Variants in C12orf50 observed in about 807,000 individuals in gnomAD.
C12orf50 encodes zinc finger CCCH-type containing 11D.
A neutral mutation model predicts 61.6 loss-of-function variants in C12orf50; 35 were observed. The observed-to-expected ratio is 0.57, with a 90% CI of 0.43 to 0.75. C12orf50 has a LOEUF of 0.75. Among genes scored for constraint, C12orf50 ranks in the 30% least tolerant of loss-of-function variants. The pLI, the probability that C12orf50 is intolerant of heterozygous loss-of-function variation, is 0.00. For synonymous variants in C12orf50, 178 were observed against 161.5 expected (o/e 1.10, Z -0.77); for missense variants, 475 against 488.5 (o/e 0.97, Z 0.26).
intron 3 of C12orf50, among the ~76,000 whole-genome samples, chr12:88,010,526 G>C (rs1177067001): frequency 6.7e-6 from 1 of 148,420 alleles, no homozygotes; most frequent in East Asian, 2.0e-4. Context: ...GAATCATTAC[G>C]GCAAGATGTC....
intron 3 of C12orf50, among the ~76,000 whole-genome samples, chr12:88,007,111 G>C (rs994163667): frequency 4.6e-5 from 7 of 152,074 alleles, no homozygotes; most frequent in Non-Finnish European, 8.8e-5. Context: ...AAGTAATCTA[G>C]TCATCACAAT....
chr12:87,994,840 A>G (rs1284205394), intron 6 of C12orf50, 97 bp from the exon 7 acceptor site: 1 of 695,276 alleles, frequency 1.4e-6, no homozygotes, highest in African/African-American at 1.8e-5. Context: ...AAAAGCTTTA[A>G]AGTTAATGCA....
At chr12:88,025,012 TA>T (rs2032650231) in intron 3 of C12orf50, among the ~76,000 whole-genome samples, 1 of 152,020 alleles carries the variant, frequency 6.6e-6, no homozygotes, top group Non-Finnish European at 1.5e-5. Flanking sequence ...GTGACAGCAA[TA>T]ATAAATAACC....
intron 12 of C12orf50, among the ~76,000 whole-genome samples, 160 bp downstream of exon 12, chr12:87,982,943 A>G (rs564560492): frequency 2.1e-4 from 32 of 152,324 alleles, no homozygotes; most frequent in Middle Eastern, 3.4e-3. Flanking sequence ...AAATTACATT[A>G]CTAGTAGACA....
intron 3 of C12orf50, among the ~76,000 whole-genome samples, chr12:88,014,412 C>A (rs1220962792): frequency 3.9e-5 from 6 of 152,152 alleles, no homozygotes; most frequent in Non-Finnish European, 7.4e-5. Context: ...TGCCATTCTC[C>A]TGCCTCAGCC....
At chr12:88,001,270 T>G (rs559525451) in intron 3 of C12orf50, among the ~76,000 whole-genome samples, 2 of 150,034 alleles carry the variant, frequency 1.3e-5, no homozygotes, top group African/African-American at 2.5e-5. Context: ...TGTCTTTTGC[T>G]CTTTATTATA....
In C12orf50 at chr12:87,983,183, G is replaced by T; in HGVS notation, c.1139C>A (p.Ser380Ter). ...KPNLSPDKYT[S>*]TSYNDSAWRK... ...CCAGGCTGAATCATTATATGATGTT[G>T]ACGTATATTTGTCTGAGGGAAAAAA... The change falls in exon 12 of 13, where the codon TCA becomes TAA. Residue 380 changes from serine to a stop codon, truncating the protein, a stop_gained. Coordinates refer to ENST00000298699, the MANE Select transcript of C12orf50 (RefSeq NM_152589.3). LOFTEE classifies it high-confidence loss of function. The T allele has an allele frequency of 6.3e-7, 1 of 1,593,178 alleles. No homozygotes were observed. Among genetic ancestry groups the T allele is most frequent in the South Asian group, 1.1e-5 (1 of 87,478 alleles).
intron 3 of C12orf50, among the ~76,000 whole-genome samples, chr12:88,018,832 G>A (rs1289092676): frequency 6.6e-6 from 1 of 152,158 alleles, no homozygotes; most frequent in East Asian, 1.9e-4. Context: ...TAGCCCCTTT[G>A]TTTTGCCCAG....
chr12:87,986,210 T>A, intron 10 of C12orf50, 102 bp downstream of exon 10: 1 of 1,223,520 alleles, frequency 8.2e-7, no homozygotes. Context: ...AAAGTAACAT[T>A]TACGTCACAT....
intron 12 of C12orf50, among the ~76,000 whole-genome samples, chr12:87,981,890 C>T (rs893547994): frequency 2.6e-5 from 4 of 152,078 alleles, no homozygotes; most frequent in Non-Finnish European, 5.9e-5. Context: ...AGCTTTTCTC[C>T]CTAGATTGCA....
chr12:87,998,647 G>A (rs932585150), intron 3 of C12orf50, among the ~76,000 whole-genome samples: 1 of 152,004 alleles, frequency 6.6e-6, no homozygotes, highest in Non-Finnish European at 1.5e-5. Context: ...AAATCCCAAT[G>A]GACTTATTTG....
At chr12:87,992,651 A>G (rs2031181385) in intron 7 of C12orf50, among the ~76,000 whole-genome samples, 1 of 152,178 alleles carries the variant, frequency 6.6e-6, no homozygotes, top group Non-Finnish European at 1.5e-5. Flanking sequence ...CAAAAAATGC[A>G]AAATTAGCCT....
intron 3 of C12orf50, among the ~76,000 whole-genome samples, chr12:88,007,989 A>T (rs1468602778): frequency 6.6e-6 from 1 of 152,010 alleles, no homozygotes; most frequent in African/African-American, 2.4e-5. Context: ...TTAATAGGTG[A>T]TCAATAAACT....
At chr12:87,996,836 A>C (rs976949548) in intron 4 of C12orf50, among the ~76,000 whole-genome samples, 190 bp from the exon 5 acceptor site, 2 of 152,220 alleles carry the variant, frequency 1.3e-5, no homozygotes, top group Admixed American at 6.5e-5. Flanking sequence ...AACAATGTCA[A>C]GAGAAAACAA....
Position 87,996,614 on chromosome 12 carries a change from C to A in C12orf50, c.322G>T (p.Glu108Ter), listed in dbSNP as rs772182987. 1.2e-6 allele frequency: 2 copies of A among 1,609,746 alleles called. No homozygotes were observed. Among genetic ancestry groups the A allele is most frequent in the Middle Eastern group, 1.7e-4 (1 of 5,958 alleles). ...TTTATTGCTCTTTTTTCTTCAATTT[C>A]TTCAGGGGTCTTTGTCCATAAACTA... ...ASSLWTKTPE[E>*]IEEKRAIKEM... Residue 108 changes from glutamate to a stop codon, truncating the protein, a stop_gained, in exon 5 of 13, where the codon GAA becomes TAA. Transcript: ENST00000298699. LOFTEE classifies it high-confidence loss of function.
intron 7 of C12orf50, among the ~76,000 whole-genome samples, chr12:87,991,093 A>G (rs2031099490): frequency 4.6e-5 from 7 of 152,164 alleles, no homozygotes; most frequent in Admixed American, 4.6e-4. Context: ...AATAAGGACT[A>G]TACCTTCAAA....
chr12:88,004,689 T>G (rs2031786672), intron 3 of C12orf50, among the ~76,000 whole-genome samples: 1 of 152,064 alleles, frequency 6.6e-6, no homozygotes, highest in Non-Finnish European at 1.5e-5. Flanking sequence ...CACCATGAAA[T>G]ACTACATAGC....
At chr12:88,020,067 TACCAGTCACTAC>T (rs879440141) in intron 3 of C12orf50, among the ~76,000 whole-genome samples, 2 of 152,156 alleles carry the variant, frequency 1.3e-5, no homozygotes, top group Non-Finnish European at 2.9e-5. Context: ...GAAAGACAGT[TACCAGTCACTAC>T]AAAAACACAC....
intron 11 of C12orf50, chr12:87,984,260 G>C (rs1462409562): frequency 6.6e-6 from 1 of 152,112 alleles, no homozygotes; most frequent in Non-Finnish European, 1.5e-5. Flanking sequence ...TTGTAAATTT[G>C]TTGGAGTTCA....
Sources: gnomAD v4.1 joint callset for allele counts (sites outside exome capture counted in the v4.1 genomes callset) on GRCh38, gnomAD v4.1.1 for gene constraint, MANE v1.5 for transcripts, NCBI Gene and HGNC (gene_info 2026-07-23, HGNC 2026-07-21) for gene names.